The following LRRC1 variants were observed in gnomAD, a reference collection of about 807,000 sequenced individuals.
LRRC1 encodes leucine rich repeat containing 1.
In LRRC1, 28 loss-of-function variants were observed where a neutral mutation model predicts 69.9. The ratio of observed to expected loss-of-function variants is 0.40; its 90% CI spans 0.30 to 0.55. LRRC1 has a LOEUF of 0.55. Ranked by LOEUF, LRRC1 falls within the 20% of genes least tolerant of loss-of-function variation. The pLI is 0.47. For missense variants in LRRC1, 498 were observed against 609.0 expected, an observed-to-expected ratio of 0.82 and a Z score of 1.92; for synonymous variants, 236 against 240.2, an observed-to-expected ratio of 0.98 and a Z score of 0.16.
At chr6:53,890,670 A>G (rs925536814) in intron 4 of LRRC1, among the ~76,000 whole-genome samples, 4 of 152,190 alleles carry the variant, frequency 2.6e-5, no homozygotes, top group Non-Finnish European at 5.9e-5. Flanking sequence ...AGATTTTTTA[A>G]AAAAAGTTTT....
At chr6:53,804,690 A>G (rs7770003) in intron 1 of LRRC1, among the ~76,000 whole-genome samples, 3,394 of 152,320 alleles carry the variant, frequency 0.022, 140 homozygotes, top group African/African-American at 0.078. Flanking sequence ...CTTTGCAATG[A>G]TGAGCCATGC....
In LRRC1 at chr6:53,922,646, A is replaced by G. The variant is rs762160200; in HGVS notation, c.1428A>G (p.Leu476=). 9 of 1,613,636 alleles carry G rather than the reference A, an allele frequency of 5.6e-6. No homozygotes were observed. In the Admixed American group the frequency reaches 8.3e-5, roughly 15 times the overall value. The change falls in exon 14 of 14, where the codon CTA becomes CTG. Residue 476 remains leucine (L), a synonymous_variant. Transcript: ENST00000370888. Reference sequence around the variant, plus strand: ...CTGTTTGTTTTTAGAGAACACTTCTAAGGCGAGCCACTCCACACCCAGGGG... The same window carrying G: ...CTGTTTGTTTTTAGAGAACACTTCTGAGGCGAGCCACTCCACACCCAGGGG... ...DEEDNETRTL[L]RRATPHPGEL... is the part of the protein sequence containing the mutation.
chr6:53,804,478 A>C (rs1174873031), intron 1 of LRRC1, among the ~76,000 whole-genome samples: 1 of 152,188 alleles, frequency 6.6e-6, no homozygotes, highest in African/African-American at 2.4e-5. Flanking sequence ...ATTAAAACAA[A>C]AATAGAACTC....
intron 4 of LRRC1, among the ~76,000 whole-genome samples, chr6:53,893,162 G>A (rs1767758853): frequency 6.6e-6 from 1 of 152,194 alleles, no homozygotes; most frequent in Admixed American, 6.5e-5. Context: ...GGGACAAAGG[G>A]TGTCTTGAGG....
chr6:53,908,759 A>T (rs1768317941), intron 10 of LRRC1, among the ~76,000 whole-genome samples: 1 of 152,166 alleles, frequency 6.6e-6, no homozygotes, highest in Non-Finnish European at 1.5e-5. Flanking sequence ...ACTCTATTAG[A>T]AGTTCTTCTA....
intron 1 of LRRC1, among the ~76,000 whole-genome samples, chr6:53,807,138 A>G (rs1764655448): frequency 6.6e-6 from 1 of 152,182 alleles, no homozygotes; most frequent in Non-Finnish European, 1.5e-5. Context: ...GTAAGTTAGG[A>G]TCAAAGGCTA....
intron 2 of LRRC1, among the ~76,000 whole-genome samples, chr6:53,842,953 T>C (rs2127416575): frequency 6.6e-6 from 1 of 152,352 alleles, no homozygotes; most frequent in Admixed American, 6.5e-5. Context: ...CAAATGCCTT[T>C]CATTTTTAAA....
intron 4 of LRRC1, among the ~76,000 whole-genome samples, chr6:53,886,358 A>T (rs1213978285): frequency 6.6e-6 from 1 of 152,218 alleles, no homozygotes. Context: ...TGAGCTATAC[A>T]TACATTTAAG....
At chr6:53,919,227 CTCTTTTTTTTTT>C (rs1399487837) in intron 11 of LRRC1, 4 of 111,426 alleles carry the variant, frequency 3.6e-5, no homozygotes, top group African/African-American at 1.6e-4. Flanking sequence ...AATTTTCTCT[CTCTTTTTTTTTT>C]TTTTTTTTTT....
At chr6:53,828,959 T>C (rs1482562902) in intron 1 of LRRC1, among the ~76,000 whole-genome samples, 1 of 152,238 alleles carries the variant, frequency 6.6e-6, no homozygotes, top group East Asian at 1.9e-4. Context: ...AGATGTGGTA[T>C]GTGGTGGTTT....
chr6:53,911,547 G>A (rs1047619478), intron 10 of LRRC1, among the ~76,000 whole-genome samples: 1 of 152,092 alleles, frequency 6.6e-6, no homozygotes, highest in African/African-American at 2.4e-5. Flanking sequence ...TATCTGCTTT[G>A]CCCCCCTTGG....
At chr6:53,860,793 A>G (rs1336137663) in intron 2 of LRRC1, among the ~76,000 whole-genome samples, 1 of 152,202 alleles carries the variant, frequency 6.6e-6, no homozygotes, top group Non-Finnish European at 1.5e-5. Flanking sequence ...ATCTGCTTCA[A>G]TGTAAGAGCA....
At chr6:53,896,378 A>G (rs2127435523) in intron 4 of LRRC1, 120 bp from the exon 5 acceptor site, 1 of 768,058 alleles carries the variant, frequency 1.3e-6, no homozygotes, top group East Asian at 2.5e-5. Context: ...TTACCCTGGT[A>G]AGTGACCTAC....
intron 2 of LRRC1, among the ~76,000 whole-genome samples, chr6:53,864,823 A>G (rs1057372118): frequency 1.3e-5 from 2 of 152,286 alleles, no homozygotes; most frequent in Non-Finnish European, 2.9e-5. Context: ...CCCAGTGCCT[A>G]GGACTTACCA....
At position 53,804,008 on chromosome 6, in the gene LRRC1, A is replaced by G. The variant is rs145736909; in HGVS notation, c.159+8593A>G. Among the ~76,000 whole-genome samples the G allele has an allele frequency of 7.2e-5, 11 of 152,334 alleles. No homozygotes were observed. The East Asian group carries it at 2.1e-3, about 29-fold the overall frequency. ...GCCAGAAAGGGGCTGCAAACCTCTC[A>G]GGATGTGATGTGGGCTCTGACTGCT... On this transcript the variant is annotated intron_variant, in intron 1 of 13. Transcript: ENST00000370888.
At chr6:53,839,688 T>G (rs1487212706) in intron 1 of LRRC1, among the ~76,000 whole-genome samples, 1 of 152,192 alleles carries the variant, frequency 6.6e-6, no homozygotes, top group African/African-American at 2.4e-5. Flanking sequence ...TCTCTCAATA[T>G]TGACATAACA....
At chr6:53,828,693 T>G (rs1765341771) in intron 1 of LRRC1, among the ~76,000 whole-genome samples, 1 of 152,236 alleles carries the variant, frequency 6.6e-6, no homozygotes, top group Non-Finnish European at 1.5e-5. Context: ...ACTTGGTAGA[T>G]TGGATTGCTG....
chr6:53,902,278 A>T (rs1402923177), intron 8 of LRRC1, among the ~76,000 whole-genome samples: 1 of 152,052 alleles, frequency 6.6e-6, no homozygotes. Flanking sequence ...TGTTTATTAT[A>T]AGGATAATGC....
At chr6:53,890,459 T>A (rs1767638527) in intron 4 of LRRC1, among the ~76,000 whole-genome samples, 1 of 152,126 alleles carries the variant, frequency 6.6e-6, no homozygotes, top group Admixed American at 6.5e-5. Context: ...AATGGTGACC[T>A]TAATTTTGAG....
Sources: allele counts gnomAD v4.1 joint callset (sites outside exome capture counted in the v4.1 genomes callset), GRCh38; gene constraint gnomAD v4.1.1; transcripts MANE v1.5; gene names NCBI Gene and HGNC (gene_info 2026-07-23, HGNC 2026-07-21).